Variants in CTNNA2 observed in about 807,000 individuals in gnomAD.
The protein encoded by CTNNA2 is catenin alpha 2, also known as catenin alpha-2.
CTNNA2 carries 42 observed loss-of-function variants against 101.0 expected under a neutral mutation model. The ratio of observed to expected loss-of-function variants is 0.42; its 90% CI spans 0.32 to 0.54. The LOEUF (loss-of-function observed/expected upper bound fraction) is 0.54. Ranked by LOEUF, CTNNA2 falls within the 20% of genes least tolerant of loss-of-function variation. The pLI, the probability that CTNNA2 is intolerant of heterozygous loss-of-function variation, is 0.14. For missense variants in CTNNA2, 871 were observed against 1,223.1 expected (o/e 0.71, Z 4.29); for synonymous variants, 450 against 456.4 (o/e 0.99, Z 0.18).
At chr2:80,354,772 T>G (rs1673622546) in intron 7 of CTNNA2, among the ~76,000 whole-genome samples, 1 of 152,118 alleles carries the variant, frequency 6.6e-6, no homozygotes, top group South Asian at 2.1e-4. Flanking sequence ...GATCAGTGTT[T>G]CTCAAACTCA....
intron 8 of CTNNA2, among the ~76,000 whole-genome samples, chr2:80,412,901 C>G (rs767095068): frequency 6.6e-5 from 10 of 152,150 alleles, no homozygotes; most frequent in Non-Finnish European, 8.8e-5. Context: ...GTTGAATGAG[C>G]CTTTCAAATG....
intron 7 of CTNNA2, among the ~76,000 whole-genome samples, chr2:80,269,610 A>G (rs1419147979): frequency 1.3e-5 from 2 of 152,296 alleles, no homozygotes; most frequent in East Asian, 1.9e-4. Context: ...ATATGTTTCT[A>G]TCAATCCCAA....
chr2:79,922,647 T>TG, intron 7 of CTNNA2, among the ~76,000 whole-genome samples: 1 of 151,670 alleles, frequency 6.6e-6, no homozygotes, highest in South Asian at 2.1e-4. Context: ...TTTTACTTTT[T>TG]TTTTTTTTTT....
chr2:79,324,620 A>T (rs900634743), intron 3 of CTNNA2, among the ~76,000 whole-genome samples: 3 of 152,186 alleles, frequency 2.0e-5, no homozygotes, highest in Non-Finnish European at 2.9e-5. Context: ...TAGCCTCTGG[A>T]TAAGCTTCCC....
At chr2:80,028,540 C>T (rs1299961021) in intron 7 of CTNNA2, among the ~76,000 whole-genome samples, 2 of 152,076 alleles carry the variant, frequency 1.3e-5, no homozygotes, top group South Asian at 2.1e-4. Context: ...TAGGAGAGGC[C>T]GAATAATGGC....
chr2:80,369,238 C>T (rs914084113), intron 7 of CTNNA2, among the ~76,000 whole-genome samples: 3 of 151,924 alleles, frequency 2.0e-5, no homozygotes, highest in Non-Finnish European at 2.9e-5. Context: ...GGTTATTTTG[C>T]CACAAAGGAT....
At chr2:79,496,083 T>C (rs1671253151) in intron 4 of CTNNA2, among the ~76,000 whole-genome samples, 1 of 152,162 alleles carries the variant, frequency 6.6e-6, no homozygotes, top group Admixed American at 6.5e-5. Context: ...TGGTGATAGT[T>C]GCTCAACTAT....
chr2:79,424,422 T>C (rs1678571587), intron 4 of CTNNA2, among the ~76,000 whole-genome samples: 1 of 152,134 alleles, frequency 6.6e-6, no homozygotes, highest in South Asian at 2.1e-4. Flanking sequence ...AGAGCAGGAT[T>C]GTCAACTTCA....
chr2:79,363,506 C>A (rs184415014), intron 3 of CTNNA2, among the ~76,000 whole-genome samples: 25 of 151,806 alleles, frequency 1.6e-4, no homozygotes, highest in Non-Finnish European at 3.4e-4. Flanking sequence ...GGTCTAGTAT[C>A]TGTCTCTTTG....
Position 79,888,361 on chromosome 2 carries a change from C to CGGGTTATTGACACCTCTTGTAT in CTNNA2, c.852+14020_852+14041dup, listed in dbSNP as rs1684049780. On this transcript the variant is annotated intron_variant, in intron 6 of 18. Transcript: ENST00000402739. ...TCTTTTCTGCCCAGAAATCTCTTTC[C>CGGGTTATTGACACCTCTTGTAT]GGGTTATTGACACCTCTTGTATAGG... 2.5e-4 allele frequency among the ~76,000 whole-genome samples: 38 copies of CGGGTTATTGACACCTCTTGTAT among 152,204 alleles called. 1 individual carries two copies. In the South Asian group the frequency reaches 7.9e-3, roughly 32 times the overall value.
rs765201902 is a variant in CTNNA2 at position 79,874,276 on chromosome 2, G to A, written c.786G>A (p.Ser262=). The A allele has an allele frequency of 1.8e-5, 29 of 1,613,864 alleles. No homozygotes were observed. The highest frequency in any genetic ancestry group is 6.6e-5 in the South Asian group (6 of 91,066). ...TCTCCAATGCTGCTCAAGCTACCTC[G>A]CCCACTGACGAAGCCAAGGGCCACA... ...AGISNAAQAT[S]PTDEAKGHTG... The change falls in exon 6 of 19, where the codon TCG becomes TCA. Residue 262 remains serine, a synonymous_variant. Coordinates refer to ENST00000402739, the MANE Select transcript of CTNNA2 (RefSeq NM_001282597.3).
intron 3 of CTNNA2, among the ~76,000 whole-genome samples, chr2:79,764,364 C>G (rs17017827): frequency 0.13 from 20,333 of 152,152 alleles, 1,558 homozygotes; most frequent in South Asian, 0.21. Flanking sequence ...CAACCTATCA[C>G]TAATGAACTA....
intron 4 of CTNNA2, among the ~76,000 whole-genome samples, chr2:79,447,163 A>G (rs1678842141): frequency 6.6e-6 from 1 of 151,954 alleles, no homozygotes; most frequent in African/African-American, 2.4e-5. Flanking sequence ...ATCTAGCTAC[A>G]GTACTTTAAG....
intron 1 of CTNNA2, among the ~76,000 whole-genome samples, chr2:79,615,522 A>G (rs1445914756): frequency 2.0e-5 from 3 of 152,208 alleles, no homozygotes; most frequent in Non-Finnish European, 4.4e-5. Flanking sequence ...AAAATACAGT[A>G]CCTTTTAAAT....
At chr2:80,507,332 T>C (rs1688357729) in intron 9 of CTNNA2, among the ~76,000 whole-genome samples, 2 of 152,158 alleles carry the variant, frequency 1.3e-5, no homozygotes, top group Admixed American at 1.3e-4. Context: ...TTTACTTTTT[T>C]TGAGAGTAGT....
chr2:79,304,510 T>C (rs1165802953), intron 2 of CTNNA2, among the ~76,000 whole-genome samples: 2 of 152,024 alleles, frequency 1.3e-5, no homozygotes, highest in Non-Finnish European at 2.9e-5. Context: ...CCAGGAGAAG[T>C]CACTTGTCAG....
At chr2:79,353,539 T>C (rs1677439417) in intron 3 of CTNNA2, among the ~76,000 whole-genome samples, 1 of 152,184 alleles carries the variant, frequency 6.6e-6, no homozygotes, top group African/African-American at 2.4e-5. Context: ...CTCTGTTCCT[T>C]TACTTTGAGC....
chr2:80,301,231 G>A (rs1399729558), intron 7 of CTNNA2, among the ~76,000 whole-genome samples: 2 of 152,176 alleles, frequency 1.3e-5, no homozygotes, highest in Admixed American at 1.3e-4. Context: ...GGGAGCCTAA[G>A]CTTGCTGCAG....
chr2:80,280,530 C>A (rs1318009421), intron 7 of CTNNA2, among the ~76,000 whole-genome samples: 2 of 151,770 alleles, frequency 1.3e-5, no homozygotes, highest in African/African-American at 4.8e-5. Flanking sequence ...GGACCTCATA[C>A]AATCTTGCGC....
Sources: gnomAD v4.1 joint callset for allele counts (sites outside exome capture counted in the v4.1 genomes callset) on GRCh38, gnomAD v4.1.1 for gene constraint, MANE v1.5 for transcripts, NCBI Gene and HGNC (gene_info 2026-07-23, HGNC 2026-07-21) for gene names.